CELSR1: variants seen among roughly 807,000 people sequenced by gnomAD.
CELSR1 encodes the protein cadherin EGF LAG seven-pass G-type receptor 1.
In CELSR1, 110 loss-of-function variants were observed where a neutral mutation model predicts 249.1. The observed-to-expected ratio is 0.44, with a 90% CI of 0.38 to 0.52. The LOEUF (loss-of-function observed/expected upper bound fraction) is 0.52, where lower values mean the gene tolerates loss of function less well. Ranked by LOEUF, CELSR1 falls within the 20% of genes least tolerant of loss-of-function variation. The pLI, the probability that CELSR1 is intolerant of heterozygous loss-of-function variation, is 0.00. For synonymous variants in CELSR1, 2,113 were observed against 1,900.0 expected, an observed-to-expected ratio of 1.11 and a Z score of -2.92; for missense variants, 4,109 against 4,296.4, an observed-to-expected ratio of 0.96 and a Z score of 1.22.
At position 46,477,342 on chromosome 22, in the gene CELSR1, G is replaced by T. The variant is rs2080219412; in HGVS notation, c.3545-12997C>A. Among the ~76,000 whole-genome samples, 7 of 152,166 alleles carry T rather than the reference G, an allele frequency of 4.6e-5. No individual in the cohort carries two copies. In the South Asian group the frequency reaches 1.4e-3, roughly 31 times the overall value. ...TGGAGTTTATCAGGAACCTTCTGTT[G>T]TCTCTGCTTTGCTTCAAGTCCTCAC... On this transcript the variant is annotated intron_variant, in intron 1 of 34. Transcript: ENST00000674500.
rs761522764 is a variant in CELSR1, at chr22:46,512,430, G to A, written c.3544+21197C>T. Among the ~76,000 whole-genome samples the A allele has an allele frequency of 9.2e-5, 14 of 152,134 alleles. No homozygotes were observed. Among genetic ancestry groups the A allele is most frequent in the South Asian group, 2.1e-4 (1 of 4,834 alleles). On this transcript the variant is annotated intron_variant, in intron 1 of 34. Transcript: ENST00000674500. This position sits in a 1 kb window ranked among gnomAD's most constrained non-coding sequence, Gnocchi z 5.2. Reference sequence around the variant, plus strand: ...TACTAAAATACAAAAAAATTAGCCCGGTGTGGTGGTGTACACCTATAATCC... The same window carrying A: ...TACTAAAATACAAAAAAATTAGCCCAGTGTGGTGGTGTACACCTATAATCC...
intron 18 of CELSR1, 50 bp downstream of exon 18, chr22:46,389,240 T>TCCGAGTGTCC: frequency 1.9e-6 from 3 of 1,587,264 alleles, no homozygotes; most frequent in Non-Finnish European, 2.6e-6. Context: ...CCCACGGGCA[T>TCCGAGTGTCC]CCGAGTGTCC....
Position 46,363,358 on chromosome 22 carries a change from G to C in CELSR1, c.9036-111C>G. ...CAGGATCACCCCATCAGGGTAGAGG[G>C]GGCGTCTGGGGGCTCCAGGGAGGGC... is the stretch of plus-strand genomic sequence containing the variant. On this transcript the variant is annotated intron_variant, in intron 34 of 34. Transcript: ENST00000674500. This position sits in a 1 kb window ranked among gnomAD's most constrained non-coding sequence, Gnocchi z 4.3. The C allele has an allele frequency of 2.4e-6, 2 of 843,168 alleles. No individual in the cohort carries two copies. Among genetic ancestry groups the C allele is most frequent in the Non-Finnish European group, 3.7e-6 (2 of 539,774 alleles). The allele number at this position is 843,168 out of a possible 1,614,324, so 52.2% of individuals were successfully genotyped here.
intron 1 of CELSR1, among the ~76,000 whole-genome samples, chr22:46,533,189 G>A (rs1011548151): frequency 2.0e-5 from 3 of 152,136 alleles, no homozygotes; most frequent in Non-Finnish European, 4.4e-5. Flanking sequence ...CAATTCCAAC[G>A]GTCCCACCCT....
chr22:46,373,488 G>T (rs572962361), intron 24 of CELSR1, among the ~76,000 whole-genome samples: 44 of 139,146 alleles, frequency 3.2e-4, no homozygotes, highest in East Asian at 6.3e-4. Flanking sequence ...GCTCTGGGGT[G>T]GGGGGGGCAG....
At chr22:46,420,314 G>A (rs947856531) in intron 5 of CELSR1, among the ~76,000 whole-genome samples, 7 of 130,952 alleles carry the variant, frequency 5.3e-5, no homozygotes, top group African/African-American at 1.1e-4. Flanking sequence ...GTGCACTCAC[G>A]TATGCACTCA....
At position 46,407,756 on chromosome 22, in the gene CELSR1, G is replaced by A. The variant is rs981336768; in HGVS notation, c.5226+1240C>T. ...CACGGCTCCCACAGGCCACTCCCGT[G>A]CCAGGGGATGAGAATTAGGCCTAAG... On this transcript the variant is annotated intron_variant, in intron 9 of 34. Transcript: ENST00000674500. The surrounding 1 kb of genome is among the most constrained non-coding windows in gnomAD (Gnocchi z 4.8). Among the ~76,000 whole-genome samples the A allele has an allele frequency of 6.6e-6, 1 of 152,342 alleles. No homozygotes were observed. Among genetic ancestry groups the A allele is most frequent in the African/African-American group, 2.4e-5 (1 of 41,584 alleles).
In CELSR1 at chr22:46,409,833, C is replaced by T; in HGVS notation, c.4981G>A (p.Gly1661Arg). ...NFCDGRRCQN[G>R]GTCVNRWNMY... ...TTCCACCTGTTGACACAGGTGCCTCCATTCTGACACCGCCTCCCATCGCAG... is the reference window on the plus strand; with the variant it reads ...TTCCACCTGTTGACACAGGTGCCTCTATTCTGACACCGCCTCCCATCGCAG... Residue 1661 changes from glycine (G) to arginine (R), a missense_variant, in exon 8 of 35, where the codon GGA (glycine) becomes AGA (arginine). This residue lies in a region of CELSR1 where 453 missense variants were observed against 492.0 expected (regional missense o/e 0.92). Transcript: ENST00000674500. The surrounding 1 kb of genome is among the most constrained non-coding windows in gnomAD (Gnocchi z 9.8). 2 of 1,613,942 alleles carry T rather than the reference C, an allele frequency of 1.2e-6. No homozygotes were observed. Among genetic ancestry groups the T allele is most frequent in the Non-Finnish European group, 1.7e-6 (2 of 1,180,000 alleles).
chr22:46,453,611 G>T (rs1449928132), intron 2 of CELSR1, among the ~76,000 whole-genome samples: 1 of 152,158 alleles, frequency 6.6e-6, no homozygotes, highest in East Asian at 1.9e-4. Context: ...AGGCGGCTTT[G>T]TCTGTCCACA....
chr22:46,409,313 TC>T lies in CELSR1; in HGVS notation c.5060-152del. 1 of 749,106 alleles carries T rather than the reference TC, an allele frequency of 1.3e-6. No individual in the cohort carries two copies. Among genetic ancestry groups the T allele is most frequent in the Non-Finnish European group, 2.1e-6 (1 of 480,340 alleles). The allele number at this position is 749,106 out of a possible 1,614,324, so 46.4% of individuals were successfully genotyped here. On this transcript the variant is annotated intron_variant, in intron 8 of 34. Coordinates refer to ENST00000674500, the MANE Select transcript of CELSR1 (RefSeq NM_001378328.1). The surrounding 1 kb of genome is among the most constrained non-coding windows in gnomAD (Gnocchi z 9.8). ...GTCTGAGCCTCCCCTCTGTGACGCATCCAGCCCTCACAGTCAGCCACGTGGG... is the reference window on the plus strand; with the variant it reads ...GTCTGAGCCTCCCCTCTGTGACGCATCAGCCCTCACAGTCAGCCACGTGGG...
At chr22:46,439,511 T>C in intron 2 of CELSR1, 100 bp from the exon 3 acceptor site, 1 of 957,650 alleles carries the variant, frequency 1.0e-6, no homozygotes, top group Admixed American at 2.3e-5. Flanking sequence ...AGCCACACAG[T>C]CAGCTGCTGA....
chr22:46,469,648 T>A (rs913380845), intron 1 of CELSR1, among the ~76,000 whole-genome samples: 1 of 151,942 alleles, frequency 6.6e-6, no homozygotes, highest in Non-Finnish European at 1.5e-5. Flanking sequence ...CCCAAGTAGC[T>A]GGGATTACAG....
intron 1 of CELSR1, among the ~76,000 whole-genome samples, chr22:46,522,779 C>T (rs2080698806): frequency 6.6e-6 from 1 of 152,220 alleles, no homozygotes; most frequent in African/African-American, 2.4e-5. Flanking sequence ...CAGGGGATGG[C>T]CATTCCACCT....
Position 46,536,352 on chromosome 22 carries a change from GA to G in CELSR1, c.818del (p.Ile273ThrfsTer8). 1.2e-6 allele frequency: 2 copies of G among 1,612,646 alleles called. No individual in the cohort carries two copies. Among genetic ancestry groups the G allele is most frequent in the Non-Finnish European group, 1.7e-6 (2 of 1,179,774 alleles). On this transcript the variant is annotated frameshift_variant, in exon 1 of 35. Coordinates refer to ENST00000674500, the MANE Select transcript of CELSR1 (RefSeq NM_001378328.1). LOFTEE classifies it high-confidence loss of function. ...AGCTCACGCGCTCCTCCTCGCCCTC[GA>G]TGGTGTAGTGCGCGTGCAGCTGGAG... The part of the protein sequence containing the change: ...LILQLHAHYT[I>X]EGEEERVSYY...
intron 5 of CELSR1, among the ~76,000 whole-genome samples, chr22:46,426,631 T>C (rs2079541026): frequency 6.6e-6 from 1 of 152,162 alleles, no homozygotes; most frequent in Admixed American, 6.5e-5. Context: ...GGTGCTATGG[T>C]CTGAAGTGTC....
intron 23 of CELSR1, 27 bp downstream of exon 23, chr22:46,378,564 G>T (rs925289462): frequency 6.5e-7 from 1 of 1,546,680 alleles, no homozygotes; most frequent in African/African-American, 1.4e-5. Context: ...GGCCCAGAGG[G>T]CACAGTGGCC....
At chr22:46,452,798 G>C (rs763378861) in intron 2 of CELSR1, among the ~76,000 whole-genome samples, 3 of 152,236 alleles carry the variant, frequency 2.0e-5, no homozygotes, top group Admixed American at 2.0e-4. Context: ...GGAGTGAGGG[G>C]GACGCAGACT....
At chr22:46,476,352 T>C (rs1370453806) in intron 1 of CELSR1, among the ~76,000 whole-genome samples, 3 of 152,058 alleles carry the variant, frequency 2.0e-5, no homozygotes, top group African/African-American at 7.2e-5. Flanking sequence ...TCCCAGCATT[T>C]TGAGAGACCA....
intron 18 of CELSR1, among the ~76,000 whole-genome samples, chr22:46,388,386 G>A (rs1262455149): frequency 6.6e-6 from 1 of 151,990 alleles, no homozygotes; most frequent in Non-Finnish European, 1.5e-5. Context: ...AACCAGAAAG[G>A]AAACTTGTTT....
Sources: allele counts gnomAD v4.1 joint callset (sites outside exome capture counted in the v4.1 genomes callset), GRCh38; gene constraint gnomAD v4.1.1; regional missense constraint gnomAD v4.1.1; non-coding constraint Gnocchi (gnomAD v3.1); transcripts MANE v1.5; gene names NCBI Gene and HGNC (gene_info 2026-07-23, HGNC 2026-07-21).